ZFAT: variants seen among roughly 807,000 people sequenced by gnomAD.
ZFAT encodes the protein zinc finger and AT-hook domain containing.
A neutral mutation model predicts 117.7 loss-of-function variants in ZFAT; 64 were observed. The observed-to-expected ratio is 0.54, with a 90% CI of 0.44 to 0.67. ZFAT has a LOEUF of 0.67. ZFAT is among the 30% of genes least tolerant of loss of function. The pLI, the probability that ZFAT is intolerant of heterozygous loss-of-function variation, is 0.00. For missense variants in ZFAT, 1,433 were observed against 1,584.5 expected (o/e 0.90, Z 1.62); for synonymous variants, 679 against 615.0 (o/e 1.10, Z -1.54).
chr8:134,486,906 G>A (rs1161628122), intron 15 of ZFAT, among the ~76,000 whole-genome samples: 1 of 152,160 alleles, frequency 6.6e-6, no homozygotes, highest in Non-Finnish European at 1.5e-5. Flanking sequence ...GTGCATGCCT[G>A]TGTGCAGGAA....
At chr8:134,762,761 A>G in the ZFAT span, among the ~76,000 whole-genome samples, 1 of 152,220 alleles carries the variant, frequency 6.6e-6, no homozygotes, top group Non-Finnish European at 1.5e-5. Context: ...TGGATGTCTA[A>G]TAACCTTTTT....
rs575719967 is a variant in ZFAT at position 134,583,981 on chromosome 8, A to G, written c.2738T>C (p.Leu913Ser). 7.1e-6 allele frequency: 11 copies of G among 1,560,120 alleles called. No homozygotes were observed. Among genetic ancestry groups the G allele is most frequent in the African/African-American group, 1.4e-5 (1 of 73,692 alleles). Reference sequence around the variant, plus strand: ...CTTGCTACGAGTTGCATACTCACACAAAGAACACTTGAAGGGCTTCACACC... The same window carrying G: ...CTTGCTACGAGTTGCATACTCACACGAAGAACACTTGAAGGGCTTCACACC... ...HEGVKPFKCS[L>S]CEYATRSKSN... The change falls in exon 10 of 16, where the codon TTG becomes TCG. Residue 913 changes from leucine (L) to serine (S), a missense_variant. Transcript: ENST00000377838.
chr8:134,630,742 A>AAAATAAATAAAT (rs1452256753), intron 3 of ZFAT, among the ~76,000 whole-genome samples: 8 of 152,256 alleles, frequency 5.3e-5, no homozygotes, highest in Non-Finnish European at 8.8e-5. Flanking sequence ...GGTTTCTGCT[A>AAAATAAATAAAT]CCATTCAAAT....
intron 1 of ZFAT, among the ~76,000 whole-genome samples, chr8:134,661,204 A>G (rs758057433): frequency 7.2e-5 from 11 of 152,226 alleles, no homozygotes; most frequent in Non-Finnish European, 1.3e-4. Flanking sequence ...CGTGGGCAGG[A>G]GACATGCAGG....
At chr8:134,783,728 C>G in the ZFAT span, 2 of 152,118 alleles carry the variant, frequency 1.3e-5, no homozygotes, top group African/African-American at 4.8e-5. Context: ...AGCAAAAGTA[C>G]AGTTTAAAAT....
intron 15 of ZFAT, among the ~76,000 whole-genome samples, chr8:134,495,701 G>A (rs1397763688): frequency 6.6e-6 from 1 of 152,218 alleles, no homozygotes; most frequent in African/African-American, 2.4e-5. Flanking sequence ...AGGCCAAGGT[G>A]GGCAGATCAC....
In ZFAT at chr8:134,509,746, T is replaced by C. The variant is rs763409285; in HGVS notation, c.3365A>G (p.Asp1122Gly). ...QDLRYTSESG[D>G]RLDPTAVNIL... ...GTTCACGGCCGTGGGGTCCAGTCGG[T>C]CGCCTTAAGAGGAAGAAGCAAAGAG... The change falls in exon 15 of 16, where the codon GAC (aspartate) becomes GGC (glycine). Residue 1122 changes from aspartate (D) to glycine (G), a missense_variant. By Grantham distance (94) the Asp-to-Gly change is moderately conservative (BLOSUM62 -1). Transcript: ENST00000377838. 2.8e-5 allele frequency: 45 copies of C among 1,601,456 alleles called. No homozygotes were observed. In the Middle Eastern group the frequency reaches 5.0e-4, roughly 18 times the overall value.
At chr8:134,612,606 CA>C (rs1828426523) in intron 3 of ZFAT, among the ~76,000 whole-genome samples, 1 of 152,192 alleles carries the variant, frequency 6.6e-6, no homozygotes, top group Non-Finnish European at 1.5e-5. Flanking sequence ...TCCCACAATC[CA>C]GGTGCTTGGA....
intron 1 of ZFAT, among the ~76,000 whole-genome samples, chr8:134,670,759 G>T (rs1832520648): frequency 6.6e-6 from 1 of 152,152 alleles, no homozygotes; most frequent in Non-Finnish European, 1.5e-5. Flanking sequence ...GATCAGAGAA[G>T]AACTGAAGGA....
chr8:134,604,320 C>T (rs762925084), intron 5 of ZFAT, among the ~76,000 whole-genome samples: 10 of 152,246 alleles, frequency 6.6e-5, no homozygotes, highest in Non-Finnish European at 1.2e-4. Flanking sequence ...AGAGCCTACA[C>T]GTGCATGCTT....
At chr8:134,629,474 C>G (rs1248561008) in intron 3 of ZFAT, among the ~76,000 whole-genome samples, 1 of 151,820 alleles carries the variant, frequency 6.6e-6, no homozygotes, top group Non-Finnish European at 1.5e-5. Flanking sequence ...TGATTCCCTG[C>G]TGGCTGATAT....
intron 3 of ZFAT, among the ~76,000 whole-genome samples, chr8:134,625,804 G>A (rs1383012751): frequency 2.8e-5 from 4 of 142,382 alleles, no homozygotes; most frequent in Admixed American, 1.3e-4. Context: ...CACGAGCCGT[G>A]AGCCACGTGT....
At chr8:134,710,823 G>A (rs1813965421) in intron 1 of ZFAT, among the ~76,000 whole-genome samples, 1 of 152,174 alleles carries the variant, frequency 6.6e-6, no homozygotes, top group Non-Finnish European at 1.5e-5. Flanking sequence ...ACACATATGG[G>A]CAATCTGTGG....
At chr8:134,732,458 C>A in the ZFAT span, among the ~76,000 whole-genome samples, 6 of 152,324 alleles carry the variant, frequency 3.9e-5, no homozygotes, top group Admixed American at 1.3e-4. Flanking sequence ...TAAGACCATT[C>A]TCCTATCAGG....
At chr8:134,805,286 T>A in the ZFAT span, among the ~76,000 whole-genome samples, 112 of 152,210 alleles carry the variant, frequency 7.4e-4, 1 homozygote, top group African/African-American at 2.6e-3. Flanking sequence ...AGTAAACACA[T>A]TAGAATGATA....
At chr8:134,600,186 T>G in intron 7 of ZFAT, 1 of 538,912 alleles carries the variant, frequency 1.9e-6, no homozygotes, top group Non-Finnish European at 3.3e-6. Flanking sequence ...TCTGTAGACT[T>G]TATCTGATGC....
the ZFAT span, among the ~76,000 whole-genome samples, chr8:134,764,315 A>T: frequency 6.6e-6 from 1 of 152,328 alleles, no homozygotes; most frequent in East Asian, 1.9e-4. Context: ...CTAGGCTTCA[A>T]ATCTTTGTTT....
At chr8:134,499,784 G>A (rs1160618710) in intron 15 of ZFAT, among the ~76,000 whole-genome samples, 1 of 152,240 alleles carries the variant, frequency 6.6e-6, no homozygotes, top group Non-Finnish European at 1.5e-5. Flanking sequence ...AGGCGGTAAG[G>A]CCGGGGGCCA....
Position 134,565,351 on chromosome 8 carries a change from T to C in ZFAT, c.2958A>G (p.Glu986=). 2 of 1,613,874 alleles carry C rather than the reference T, an allele frequency of 1.2e-6. No homozygotes were observed. Among genetic ancestry groups the C allele is most frequent in the Non-Finnish European group, 1.7e-6 (2 of 1,179,856 alleles). The change falls in exon 11 of 16, where the codon GAA becomes GAG. Residue 986 remains glutamate, a synonymous_variant. Transcript: ENST00000377838. ...CTCTTACCTTGAAGGAGACATGCTG[T>C]TCCATGTGCCGCAGCAGCTGTGGCT... ...AQKPQLLRHM[E]QHVSFKPFRC... is the part of the protein sequence containing the mutation.
Sources: gnomAD v4.1 joint callset for allele counts (sites outside exome capture counted in the v4.1 genomes callset) on GRCh38, gnomAD v4.1.1 for gene constraint, MANE v1.5 for transcripts, NCBI Gene and HGNC (gene_info 2026-07-23, HGNC 2026-07-21) for gene names.